SYN2: variants seen among roughly 807,000 people sequenced by gnomAD.
SYN2 encodes synapsin-2.
A neutral mutation model predicts 50.9 loss-of-function variants in SYN2; 19 were observed. That is an observed-to-expected ratio of 0.37 (90% CI 0.26 to 0.55). SYN2 has a LOEUF of 0.55. Ranked by LOEUF, SYN2 falls within the 20% of genes least tolerant of loss-of-function variation. SYN2 has a pLI of 0.81. For synonymous variants in SYN2, 255 were observed against 224.9 expected (o/e 1.13, Z -1.20); for missense variants, 587 against 576.4 (o/e 1.02, Z -0.19).
chr3:12,068,968 C>T (rs1188963660), intron 1 of SYN2, among the ~76,000 whole-genome samples: 1 of 152,198 alleles, frequency 6.6e-6, no homozygotes, highest in Non-Finnish European at 1.5e-5. Context: ...CTGCTTTCTG[C>T]CTCTACAGAG....
chr3:12,089,454 G>T (rs1695779121), intron 1 of SYN2, among the ~76,000 whole-genome samples: 1 of 152,156 alleles, frequency 6.6e-6, no homozygotes, highest in Non-Finnish European at 1.5e-5. Flanking sequence ...TACAATTCAA[G>T]ATGAGATTTG....
At chr3:12,109,238 C>G (rs1271800148) in intron 1 of SYN2, among the ~76,000 whole-genome samples, 1 of 152,184 alleles carries the variant, frequency 6.6e-6, no homozygotes, top group African/African-American at 2.4e-5. Context: ...ATCACTGGAA[C>G]TCTAAAGTCA....
chr3:12,114,455 A>G (rs1696387296), intron 1 of SYN2, among the ~76,000 whole-genome samples: 1 of 152,080 alleles, frequency 6.6e-6, no homozygotes, highest in Non-Finnish European at 1.5e-5. Flanking sequence ...GATGAAAGCC[A>G]ATTTGTTTTT....
chr3:12,108,226 GAAGT>G (rs1280696139), intron 1 of SYN2, among the ~76,000 whole-genome samples: 5 of 152,216 alleles, frequency 3.3e-5, no homozygotes, highest in Admixed American at 6.5e-5. Context: ...AGAACAAAAA[GAAGT>G]AAGACCAACT....
At chr3:12,185,197 A>G (rs1698312597) in intron 11 of SYN2, 1 of 985,738 alleles carries the variant, frequency 1.0e-6, no homozygotes, top group African/African-American at 1.7e-5. Context: ...AGGTCCTTAA[A>G]TACCTCCCAA....
At chr3:12,093,942 T>C (rs1695879245) in intron 1 of SYN2, among the ~76,000 whole-genome samples, 2 of 151,600 alleles carry the variant, frequency 1.3e-5, no homozygotes, top group South Asian at 4.2e-4. Flanking sequence ...CTGCAACCTG[T>C]GCCTCTTGGG....
At position 12,190,628 on chromosome 3, in the gene SYN2, C is replaced by T; in HGVS notation, c.*3C>T. 2 of 1,611,252 alleles carry T rather than the reference C, an allele frequency of 1.2e-6. No homozygotes were observed. Among genetic ancestry groups the T allele is most frequent in the Non-Finnish European group, 1.7e-6 (2 of 1,178,868 alleles). On this transcript the variant is annotated 3_prime_UTR_variant, in exon 13 of 13. Transcript: ENST00000621198. The stretch of plus-strand genomic sequence containing the variant: ...TTGCCAGCCTCTTTTCAGATTAGCT[C>T]TTCAGACACACGGGGCACCCAGCCC...
intron 5 of SYN2, among the ~76,000 whole-genome samples, chr3:12,154,874 G>A (rs1406745363): frequency 6.6e-6 from 1 of 152,166 alleles, no homozygotes; most frequent in South Asian, 2.1e-4. Flanking sequence ...GCACAGTTGT[G>A]GTCCCACAGA....
intron 1 of SYN2, among the ~76,000 whole-genome samples, chr3:12,050,890 C>T (rs201563765): frequency 0.048 from 7,311 of 151,086 alleles, 239 homozygotes; most frequent in East Asian, 0.14. Context: ...CGCCCGCCAC[C>T]GCGCCCGGCT....
intron 3 of SYN2, among the ~76,000 whole-genome samples, chr3:12,144,936 C>T (rs1325792104): frequency 1.3e-5 from 2 of 152,082 alleles, no homozygotes; most frequent in Non-Finnish European, 2.9e-5. Flanking sequence ...GAGGCTGAGG[C>T]ACAAGAATCT....
At chr3:12,093,282 C>T (rs1444519526) in intron 1 of SYN2, among the ~76,000 whole-genome samples, 1 of 152,098 alleles carries the variant, frequency 6.6e-6, no homozygotes, top group Non-Finnish European at 1.5e-5. Context: ...ATTGTGGTCT[C>T]TGTGGGTTTT....
intron 5 of SYN2, chr3:12,158,642 G>T: frequency 1.3e-6 from 2 of 1,598,284 alleles, no homozygotes; most frequent in South Asian, 2.2e-5. Flanking sequence ...TGTACTGCTG[G>T]CCAGATACTA....
chr3:12,093,228 A>C (rs1393344799), intron 1 of SYN2, among the ~76,000 whole-genome samples: 1 of 152,160 alleles, frequency 6.6e-6, no homozygotes, highest in Non-Finnish European at 1.5e-5. Flanking sequence ...GATTCTGGAG[A>C]ATAAAACCTT....
chr3:12,155,794 G>C (rs1454943266), intron 5 of SYN2, among the ~76,000 whole-genome samples: 1 of 152,208 alleles, frequency 6.6e-6, no homozygotes, highest in Non-Finnish European at 1.5e-5. Context: ...TCCATGCCTA[G>C]CAGCGGGCTA....
intron 1 of SYN2, among the ~76,000 whole-genome samples, chr3:12,091,615 G>A (rs574686286): frequency 4.6e-4 from 70 of 152,174 alleles, no homozygotes; most frequent in Non-Finnish European, 8.5e-4. Flanking sequence ...TTGTCTCAGA[G>A]CTGTTAGCAT....
At chr3:12,183,453 T>C in intron 11 of SYN2, 81 bp downstream of exon 11, 1 of 1,609,576 alleles carries the variant, frequency 6.2e-7, no homozygotes, top group Non-Finnish European at 8.5e-7. Context: ...TGATTGGTGG[T>C]TAATTTTTCA....
At chr3:12,067,261 G>A (rs761701723) in intron 1 of SYN2, among the ~76,000 whole-genome samples, 1 of 152,040 alleles carries the variant, frequency 6.6e-6, no homozygotes, top group African/African-American at 2.4e-5. Context: ...TCATATCAAG[G>A]TTTTAATCCA....
intron 1 of SYN2, among the ~76,000 whole-genome samples, chr3:12,033,263 G>A (rs1236484486): frequency 6.6e-6 from 1 of 152,166 alleles, no homozygotes; most frequent in Non-Finnish European, 1.5e-5. Context: ...TGCGTGCTGG[G>A]AGAACCACTG....
chr3:12,153,076 T>C, intron 5 of SYN2: 1 of 238,324 alleles, frequency 4.2e-6, no homozygotes, highest in South Asian at 6.9e-5. Flanking sequence ...TGTTCTTGTT[T>C]TCATTCCTGC....
Sources: gnomAD v4.1 joint callset for allele counts (sites outside exome capture counted in the v4.1 genomes callset) on GRCh38, gnomAD v4.1.1 for gene constraint, MANE v1.5 for transcripts, NCBI Gene and HGNC (gene_info 2026-07-23, HGNC 2026-07-21) for gene names.